Variants in NSMCE2 observed in about 807,000 individuals in gnomAD.
NSMCE2 encodes the protein NSE2 SUMO ligase component of SMC5/6 complex.
In NSMCE2, 24 loss-of-function variants were observed where a neutral mutation model predicts 23.8. That is an observed-to-expected ratio of 1.01 (90% confidence interval 0.73 to 1.42). The LOEUF (loss-of-function observed/expected upper bound fraction) is 1.42, where lower values mean the gene tolerates loss of function less well. Among genes scored for constraint, NSMCE2 ranks in the 40% most tolerant of loss-of-function variants. The pLI, the probability that NSMCE2 is intolerant of heterozygous loss-of-function variation, is 0.00. For missense variants in NSMCE2, 284 were observed against 296.5 expected (o/e 0.96, Z 0.31); for synonymous variants, 92 against 94.1 (o/e 0.98, Z 0.13).
intron 5 of NSMCE2, among the ~76,000 whole-genome samples, chr8:125,269,882 T>C (rs1277168989): frequency 5.9e-5 from 9 of 152,356 alleles, no homozygotes; most frequent in Non-Finnish European, 8.8e-5. Flanking sequence ...CTTGTTAACT[T>C]GTCCTCTGGA....
chr8:125,202,221 C>T (rs112997185), intron 5 of NSMCE2, among the ~76,000 whole-genome samples: 3,279 of 152,318 alleles, frequency 0.022, 125 homozygotes, highest in African/African-American at 0.075. Flanking sequence ...ATGGGCTGCA[C>T]CAGCTGTCCA....
intron 5 of NSMCE2, among the ~76,000 whole-genome samples, chr8:125,233,363 T>G (rs1290974861): frequency 6.6e-6 from 1 of 152,218 alleles, no homozygotes; most frequent in Non-Finnish European, 1.5e-5. Flanking sequence ...TAATTTTATG[T>G]TCTGGTTCTC....
chr8:125,269,218 G>A (rs1289527823), intron 5 of NSMCE2, among the ~76,000 whole-genome samples: 2 of 152,076 alleles, frequency 1.3e-5, no homozygotes, highest in African/African-American at 2.4e-5. Context: ...CTCCCATGTA[G>A]CTGGGACTAT....
At chr8:125,314,229 C>G (rs1307988751) in intron 5 of NSMCE2, among the ~76,000 whole-genome samples, 2 of 152,072 alleles carry the variant, frequency 1.3e-5, no homozygotes, top group African/African-American at 2.4e-5. Context: ...CAGTAATGTG[C>G]TTTTTAGGTT....
chr8:125,324,131 C>G (rs1026980594), intron 5 of NSMCE2, among the ~76,000 whole-genome samples: 1 of 152,162 alleles, frequency 6.6e-6, no homozygotes, highest in African/African-American at 2.4e-5. Context: ...TGAAATACCA[C>G]TACACACCTA....
At chr8:125,201,098 T>C (rs1182725316) in intron 5 of NSMCE2, among the ~76,000 whole-genome samples, 1 of 152,248 alleles carries the variant, frequency 6.6e-6, no homozygotes, top group Non-Finnish European at 1.5e-5. Flanking sequence ...TTTAGCTTCC[T>C]TGTGATGGGT....
At chr8:125,207,795 C>T (rs562832215) in intron 5 of NSMCE2, among the ~76,000 whole-genome samples, 66 of 152,338 alleles carry the variant, frequency 4.3e-4, no homozygotes, top group Middle Eastern at 6.8e-3. Flanking sequence ...GCTGTGACAG[C>T]TGATCCCTGC....
At chr8:125,145,451 A>G (rs879590941) in intron 3 of NSMCE2, among the ~76,000 whole-genome samples, 11 of 152,184 alleles carry the variant, frequency 7.2e-5, no homozygotes, top group Non-Finnish European at 1.2e-4. Context: ...TTGACGTATC[A>G]GGTGACAGGT....
intron 5 of NSMCE2, among the ~76,000 whole-genome samples, chr8:125,282,755 CA>C (rs2131132269): frequency 6.6e-6 from 1 of 152,376 alleles, no homozygotes; most frequent in South Asian, 2.1e-4. Context: ...CTTATCCCTT[CA>C]AAGTATCTGT....
At chr8:125,197,937 T>A (rs567753402) in intron 5 of NSMCE2, among the ~76,000 whole-genome samples, 2 of 152,308 alleles carry the variant, frequency 1.3e-5, no homozygotes, top group South Asian at 4.1e-4. Flanking sequence ...CTAGGTATTT[T>A]ATTCTTTTTG....
At chr8:125,202,979 AC>A (rs1823948199) in intron 5 of NSMCE2, among the ~76,000 whole-genome samples, 1 of 152,198 alleles carries the variant, frequency 6.6e-6, no homozygotes. Flanking sequence ...GAAGACAGAA[AC>A]TGAAGTGTCA....
In NSMCE2 at chr8:125,199,910, G is replaced by C. The variant is rs181115058; in HGVS notation, c.418+17654G>C. 2.0e-3 allele frequency among the ~76,000 whole-genome samples: 308 copies of C among 152,300 alleles called. 4 individuals carry two copies. The highest frequency in any genetic ancestry group is 1.4e-3 in the Non-Finnish European group (96 of 68,028). On this transcript the variant is annotated intron_variant, in intron 5 of 7. Transcript: ENST00000287437. ...AATGGTTAGCTCTTCTTGTTGAATTGATCCCTTTACCATTATGTAATGGCC... is the reference window on the plus strand; with the variant it reads ...AATGGTTAGCTCTTCTTGTTGAATTCATCCCTTTACCATTATGTAATGGCC...
intron 7 of NSMCE2, among the ~76,000 whole-genome samples, chr8:125,360,994 A>C (rs1813518449): frequency 6.6e-6 from 1 of 152,082 alleles, no homozygotes; most frequent in South Asian, 2.1e-4. Context: ...GGTAGTTAGA[A>C]TAATTTCCTA....
chr8:125,143,327 A>T (rs1416100442), intron 3 of NSMCE2, among the ~76,000 whole-genome samples: 11 of 152,180 alleles, frequency 7.2e-5, no homozygotes, highest in Admixed American at 7.2e-4. Context: ...ATTTGAAGAG[A>T]TTAGGAAATA....
chr8:125,313,872 C>T (rs1358658299), intron 5 of NSMCE2, among the ~76,000 whole-genome samples: 1 of 152,116 alleles, frequency 6.6e-6, no homozygotes, highest in African/African-American at 2.4e-5. Flanking sequence ...AGATTCAGTC[C>T]ACCAGCTATT....
chr8:125,344,238 C>T (rs182640439), intron 5 of NSMCE2, among the ~76,000 whole-genome samples: 289 of 152,210 alleles, frequency 1.9e-3, no homozygotes, highest in Admixed American at 5.4e-3. Flanking sequence ...CCCTCATTGC[C>T]GTCAGTCCTA....
intron 5 of NSMCE2, among the ~76,000 whole-genome samples, chr8:125,355,848 GT>G (rs1813248525): frequency 6.6e-6 from 1 of 152,000 alleles, no homozygotes; most frequent in Non-Finnish European, 1.5e-5. Context: ...GTTTGGTTTG[GT>G]TTTTCAGTTG....
chr8:125,191,316 G>A (rs1297133828), intron 5 of NSMCE2, among the ~76,000 whole-genome samples: 2 of 152,148 alleles, frequency 1.3e-5, no homozygotes, highest in African/African-American at 4.8e-5. Context: ...TGATACCACA[G>A]CCCATGTTCT....
intron 5 of NSMCE2, among the ~76,000 whole-genome samples, chr8:125,249,221 A>G (rs906455689): frequency 1.3e-5 from 2 of 152,086 alleles, no homozygotes; most frequent in African/African-American, 4.8e-5. Context: ...ATCTTGTACC[A>G]GAGTCCACTT....
Sources: allele counts gnomAD v4.1 joint callset (sites outside exome capture counted in the v4.1 genomes callset), GRCh38; gene constraint gnomAD v4.1.1; transcripts MANE v1.5; gene names NCBI Gene and HGNC (gene_info 2026-07-23, HGNC 2026-07-21).